The following ASAP1 variants were observed in gnomAD, a reference collection of about 807,000 sequenced individuals.
The protein encoded by ASAP1 is ArfGAP with SH3 domain, ankyrin repeat and PH domain 1, also known as arf-GAP with SH3 domain, ANK repeat and PH domain-containing protein 1.
Under a neutral mutation model 145.2 loss-of-function variants are expected in ASAP1, and 43 were observed. The observed-to-expected ratio is 0.30, with a 90% CI of 0.23 to 0.38. ASAP1 has a LOEUF of 0.38. ASAP1 is among the 10% of genes least tolerant of loss of function. ASAP1 has a pLI of 1.00. For synonymous variants in ASAP1, 546 were observed against 515.5 expected, an observed-to-expected ratio of 1.06 and a Z score of -0.80; for missense variants, 1,018 against 1,355.3, an observed-to-expected ratio of 0.75 and a Z score of 3.91.
intron 3 of ASAP1, among the ~76,000 whole-genome samples, chr8:130,323,973 T>TC (rs1383420453): frequency 1.3e-5 from 2 of 152,176 alleles, no homozygotes; most frequent in Non-Finnish European, 2.9e-5. Flanking sequence ...CTGCCAGGGC[T>TC]TCCTAACAAT....
chr8:130,302,967 A>G (rs1822769502), intron 3 of ASAP1, among the ~76,000 whole-genome samples: 1 of 152,170 alleles, frequency 6.6e-6, no homozygotes, highest in Admixed American at 6.5e-5. Flanking sequence ...TGAAATAAAA[A>G]CAATTACAAG....
At chr8:130,297,281 T>G (rs1344584038) in intron 3 of ASAP1, among the ~76,000 whole-genome samples, 2 of 152,186 alleles carry the variant, frequency 1.3e-5, no homozygotes, top group Non-Finnish European at 2.9e-5. Context: ...TATACTCAAG[T>G]CCCGTAGTCG....
intron 1 of ASAP1, among the ~76,000 whole-genome samples, chr8:130,438,029 G>A (rs1363047450): frequency 6.6e-6 from 1 of 152,186 alleles, no homozygotes; most frequent in East Asian, 1.9e-4. Context: ...CAAGAGATGG[G>A]AGCTGAAGGG....
At chr8:130,127,215 C>T (rs1343419336) in intron 16 of ASAP1, among the ~76,000 whole-genome samples, 2 of 152,038 alleles carry the variant, frequency 1.3e-5, no homozygotes, top group Non-Finnish European at 1.5e-5. Context: ...TTCACATGCA[C>T]CATTTCTTTT....
chr8:130,352,287 T>C (rs555574762), intron 3 of ASAP1, among the ~76,000 whole-genome samples: 29 of 149,512 alleles, frequency 1.9e-4, no homozygotes, highest in African/African-American at 6.2e-4. Flanking sequence ...GCACCTGCAA[T>C]ATAAAGAAGC....
chr8:130,234,323 A>G (rs951368202), intron 4 of ASAP1, among the ~76,000 whole-genome samples: 4 of 152,130 alleles, frequency 2.6e-5, no homozygotes, highest in African/African-American at 7.2e-5. Flanking sequence ...ATTTAAAACC[A>G]TATCTCACCA....
chr8:130,098,848 G>T (rs2097523644), intron 24 of ASAP1, among the ~76,000 whole-genome samples: 1 of 152,138 alleles, frequency 6.6e-6, no homozygotes, highest in African/African-American at 2.4e-5. Context: ...GTTAACCACA[G>T]TCACTCTACA....
intron 3 of ASAP1, among the ~76,000 whole-genome samples, chr8:130,341,838 ATAAGAGG>A (rs1317275829): frequency 6.6e-6 from 1 of 152,208 alleles, no homozygotes; most frequent in Non-Finnish European, 1.5e-5. Context: ...TTATTAACAA[ATAAGAGG>A]TAAAAGAGCA....
chr8:130,134,472 C>T (rs906186202), intron 14 of ASAP1, 128 bp from the exon 15 acceptor site: 1 of 503,212 alleles, frequency 2.0e-6, no homozygotes. Context: ...TAGTTTTACG[C>T]CATTATGTGC....
In ASAP1 at chr8:130,118,172, A is replaced by T; in HGVS notation, c.1869T>A (p.Leu623=). The change falls in exon 20 of 30, where the codon CTT becomes CTA. Residue 623 remains leucine, a synonymous_variant. Coordinates refer to ENST00000518721, the MANE Select transcript of ASAP1 (RefSeq NM_018482.4). ...AACAAAAACGATACCAGTTTTGTAC[A>T]AGGAAGTCAACCAAATGGAGAGATG... ...DQTSLHLVDF[L]VQNCGNLDKQ... 6.2e-7 allele frequency: 1 copy of T among 1,613,820 alleles called. No homozygotes were observed. Among genetic ancestry groups the T allele is most frequent in the Non-Finnish European group, 8.5e-7 (1 of 1,179,738 alleles).
intron 11 of ASAP1, among the ~76,000 whole-genome samples, chr8:130,165,462 C>T (rs1165793865): frequency 1.3e-5 from 2 of 152,110 alleles, no homozygotes; most frequent in Non-Finnish European, 2.9e-5. Flanking sequence ...TCAAAGAGAC[C>T]ACATTTCTCC....
chr8:130,145,902 T>C (rs983302212), intron 13 of ASAP1, among the ~76,000 whole-genome samples: 1 of 149,724 alleles, frequency 6.7e-6, no homozygotes, highest in African/African-American at 2.5e-5. Flanking sequence ...GGTACGGTGG[T>C]GTGATCTCGG....
At chr8:130,271,624 GAGT>G (rs1211293786) in intron 3 of ASAP1, among the ~76,000 whole-genome samples, 3 of 152,114 alleles carry the variant, frequency 2.0e-5, no homozygotes, top group African/African-American at 7.2e-5. Context: ...CATCTTTTAG[GAGT>G]ATGATACAAG....
At chr8:130,229,110 T>C (rs185285195) in intron 4 of ASAP1, among the ~76,000 whole-genome samples, 48 of 152,326 alleles carry the variant, frequency 3.2e-4, no homozygotes, top group African/African-American at 1.2e-3. Context: ...GCACTGATTA[T>C]CAATGAAAAC....
intron 3 of ASAP1, among the ~76,000 whole-genome samples, chr8:130,322,598 T>C (rs1824075323): frequency 1.3e-5 from 2 of 152,198 alleles, no homozygotes; most frequent in South Asian, 4.1e-4. Flanking sequence ...TTCTAACAAT[T>C]CCTTTGTACT....
chr8:130,371,771 C>T (rs1051149208), intron 2 of ASAP1, among the ~76,000 whole-genome samples: 1 of 152,190 alleles, frequency 6.6e-6, no homozygotes, highest in South Asian at 2.1e-4. Flanking sequence ...ACCATGGAGG[C>T]ACTGACTAGC....
intron 3 of ASAP1, among the ~76,000 whole-genome samples, chr8:130,324,532 G>A (rs1446875806): frequency 6.6e-6 from 1 of 152,138 alleles, no homozygotes; most frequent in African/African-American, 2.4e-5. Flanking sequence ...ACTTGGGCAA[G>A]TACTTAGAAA....
chr8:130,172,520 T>C (rs1813658455), intron 9 of ASAP1, among the ~76,000 whole-genome samples: 1 of 152,218 alleles, frequency 6.6e-6, no homozygotes, highest in South Asian at 2.1e-4. Context: ...GCTCTACATC[T>C]GTGTTTTCCA....
intron 1 of ASAP1, 47 bp downstream of exon 1, chr8:130,443,413 G>C (rs1830562925): frequency 6.6e-6 from 1 of 151,150 alleles, no homozygotes; most frequent in Admixed American, 6.6e-5. Context: ...GACTGTGGGC[G>C]ACTCCGCCCG....
Sources: gnomAD v4.1 joint callset for allele counts (sites outside exome capture counted in the v4.1 genomes callset) on GRCh38, gnomAD v4.1.1 for gene constraint, MANE v1.5 for transcripts, NCBI Gene and HGNC (gene_info 2026-07-23, HGNC 2026-07-21) for gene names.